The following BCL7A variants were observed in gnomAD, a reference collection of about 807,000 sequenced individuals.
BCL7A encodes the protein BAF chromatin remodeling complex subunit BCL7A.
BCL7A carries 11 observed loss-of-function variants against 28.4 expected under a neutral mutation model. The observed-to-expected ratio is 0.39, with a 90% CI of 0.24 to 0.64. BCL7A has a LOEUF of 0.64. BCL7A is among the 30% of genes least tolerant of loss of function. The pLI, the probability that BCL7A is intolerant of heterozygous loss-of-function variation, is 0.50. For synonymous variants in BCL7A, 123 were observed against 103.3 expected (o/e 1.19, Z -1.15); for missense variants, 222 against 274.8 (o/e 0.81, Z 1.36).
chr12:122,023,762 C>T (rs1416496915), intron 1 of BCL7A, among the ~76,000 whole-genome samples: 1 of 152,224 alleles, frequency 6.6e-6, no homozygotes, highest in Non-Finnish European at 1.5e-5. Context: ...GGCCAACACA[C>T]ACACGCTGGA....
rs1270360151 is a variant in BCL7A at position 122,029,100 on chromosome 12, TG to T, written c.93-1597del. Among the ~76,000 whole-genome samples, 2 of 152,192 alleles carry T rather than the reference TG, an allele frequency of 1.3e-5. No homozygotes were observed. The highest frequency in any genetic ancestry group is 2.9e-5 in the Non-Finnish European group (2 of 68,026). The stretch of plus-strand genomic sequence containing the variant: ...GGGTGAAGGGTTCGAGTGCTGGCTC[TG>T]GGAGAATGAGTTCACCTTCACCGCC... On this transcript the variant is annotated intron_variant, in intron 1 of 5. Transcript: ENST00000261822. The surrounding 1 kb of genome is among the most constrained non-coding windows in gnomAD (Gnocchi z 4.3).
At position 122,059,401 on chromosome 12, in the gene BCL7A, C is replaced by A; in HGVS notation, c.*238C>A. ...ACTGTCCTTGGGGAGGCAGGCGGGG[C>A]TGACAGCTCAGGAGTGTCTGCACAC... On this transcript the variant is annotated 3_prime_UTR_variant, in exon 6 of 6. Transcript: ENST00000261822. This position sits in a 1 kb window ranked among gnomAD's most constrained non-coding sequence, Gnocchi z 4.0. The A allele has an allele frequency of 2.2e-6, 1 of 464,324 alleles. No individual in the cohort carries two copies. The highest frequency in any genetic ancestry group is 3.9e-6 in the Non-Finnish European group (1 of 254,108). The allele number at this position is 464,324 out of a possible 1,614,324, so 28.8% of individuals were successfully genotyped here.
At chr12:122,055,143 C>T (rs182683146) in intron 5 of BCL7A, among the ~76,000 whole-genome samples, 4 of 152,360 alleles carry the variant, frequency 2.6e-5, no homozygotes, top group African/African-American at 9.6e-5. Context: ...GGCCTCTGCC[C>T]TCAAGGAGCC....
chr12:122,023,724 C>A (rs1593020091), intron 1 of BCL7A, among the ~76,000 whole-genome samples: 2 of 152,252 alleles, frequency 1.3e-5, no homozygotes, highest in South Asian at 2.1e-4. Flanking sequence ...CCGACTGGAG[C>A]CATTTAAAAA....
In BCL7A at chr12:122,059,343, T is replaced by C; in HGVS notation, c.*180T>C. 1.7e-6 allele frequency: 1 copy of C among 584,070 alleles called. No homozygotes were observed. The highest frequency in any genetic ancestry group is 2.2e-5 in the South Asian group (1 of 46,422). 36.2% of individuals were successfully genotyped at this position (584,070 alleles called of 1,614,324 possible). On this transcript the variant is annotated 3_prime_UTR_variant, in exon 6 of 6. Transcript: ENST00000261822. The surrounding 1 kb of genome is among the most constrained non-coding windows in gnomAD (Gnocchi z 4.0). ...TCACTTCTCAGACACTGAAGAACTC[T>C]GCTGTGAAGCAAAACACTCAAACCT...
intron 1 of BCL7A, among the ~76,000 whole-genome samples, chr12:122,024,035 G>A (rs570629042): frequency 2.6e-5 from 4 of 152,244 alleles, no homozygotes; most frequent in East Asian, 1.9e-4. Flanking sequence ...CAGCTGCTCT[G>A]CAGGGAGGGC....
intron 4 of BCL7A, among the ~76,000 whole-genome samples, chr12:122,053,782 T>C (rs1884248423): frequency 7.1e-6 from 1 of 140,864 alleles, no homozygotes; most frequent in Admixed American, 7.9e-5. Context: ...CCCGAATAAC[T>C]GGGTTCATTC....
chr12:122,022,097 G>A lies in BCL7A; in HGVS notation c.6G>A (p.Ser2=). Residue 2 remains serine, a synonymous_variant, in exon 1 of 6, where the codon TCG becomes TCA. Coordinates refer to ENST00000261822, the MANE Select transcript of BCL7A (RefSeq NM_001024808.3). ...TCCGTCTCCCCGCCGGAACCATGTC[G>A]GGCAGGTCGGTTCGAGCCGAGACGA... M[S]GRSVRAETRS... The A allele has an allele frequency of 6.4e-7, 1 of 1,569,592 alleles. No individual in the cohort carries two copies.
At chr12:122,033,638 A>AT (rs1883787738) in intron 2 of BCL7A, among the ~76,000 whole-genome samples, 1 of 151,336 alleles carries the variant, frequency 6.6e-6, no homozygotes, top group Non-Finnish European at 1.5e-5. Context: ...TATTTATTTA[A>AT]TAGAGACAGG....
chr12:122,028,960 C>T (rs1883685006), intron 1 of BCL7A, among the ~76,000 whole-genome samples: 3 of 152,116 alleles, frequency 2.0e-5, no homozygotes, highest in South Asian at 4.1e-4. Context: ...TCTGCTCTGC[C>T]CACAGGAGGC....
Position 122,054,331 on chromosome 12 carries a change from C to T in BCL7A, c.440-474C>T, listed in dbSNP as rs1244366718. ...CTCGATCTCCTGACCTCGTGATCCG[C>T]CAGCCTCGGCCTCCCAAAGTGCTGG... On this transcript the variant is annotated intron_variant, in intron 4 of 5. Coordinates refer to ENST00000261822, the MANE Select transcript of BCL7A (RefSeq NM_001024808.3). 4.6e-5 allele frequency among the ~76,000 whole-genome samples: 7 copies of T among 152,222 alleles called. No homozygotes were observed. The East Asian group carries it at 1.2e-3, about 25-fold the overall frequency.
chr12:122,040,336 G>T (rs1883940730), intron 3 of BCL7A, among the ~76,000 whole-genome samples: 1 of 151,930 alleles, frequency 6.6e-6, no homozygotes, highest in African/African-American at 2.4e-5. Flanking sequence ...TTGGAGAGCA[G>T]CCTGGCCAAA....
At chr12:122,046,906 T>TG (rs1189329000) in intron 4 of BCL7A, among the ~76,000 whole-genome samples, 19 of 146,810 alleles carry the variant, frequency 1.3e-4, no homozygotes, top group African/African-American at 4.7e-4. Context: ...TTTCTTGGGT[T>TG]TTTTTTTTTT....
In BCL7A at chr12:122,059,279, A is replaced by G. The variant is rs774375307; in HGVS notation, c.*116A>G. ...TGCGAACAGAACTACTAACGTTTCA[A>G]GTTTACCAAGTGCAAATCCAAGAAG... On this transcript the variant is annotated 3_prime_UTR_variant, in exon 6 of 6. Transcript: ENST00000261822. This position sits in a 1 kb window ranked among gnomAD's most constrained non-coding sequence, Gnocchi z 4.0. 120 of 938,956 alleles carry G rather than the reference A, an allele frequency of 1.3e-4. No homozygotes were observed. The highest frequency in any genetic ancestry group is 1.9e-4 in the Non-Finnish European group (114 of 614,524). The allele number at this position is 938,956 out of a possible 1,614,324, so 58.2% of individuals were successfully genotyped here.
At chr12:122,024,158 T>C (rs1315981032) in intron 1 of BCL7A, among the ~76,000 whole-genome samples, 5 of 152,326 alleles carry the variant, frequency 3.3e-5, no homozygotes, top group Admixed American at 2.6e-4. Context: ...TGAGGGGCTG[T>C]ACCTCTGCGC....
rs1442085808 is a variant in BCL7A, at chr12:122,059,262, G to A, written c.*99G>A. On this transcript the variant is annotated 3_prime_UTR_variant, in exon 6 of 6. Transcript: ENST00000261822. The surrounding 1 kb of genome is among the most constrained non-coding windows in gnomAD (Gnocchi z 4.0). Reference sequence around the variant, plus strand: ...CAGCGATTCCTCTTGGGTGCGAACAGAACTACTAACGTTTCAAGTTTACCA... The same window carrying A: ...CAGCGATTCCTCTTGGGTGCGAACAAAACTACTAACGTTTCAAGTTTACCA... The A allele has an allele frequency of 8.8e-7, 1 of 1,132,062 alleles. No individual in the cohort carries two copies. Among genetic ancestry groups the A allele is most frequent in the Non-Finnish European group, 1.3e-6 (1 of 767,930 alleles). 70.1% of individuals were successfully genotyped at this position (1,132,062 alleles called of 1,614,324 possible). A position where few individuals can be genotyped will look rare whatever the true frequency, so the allele number is the denominator to read the frequency against.
chr12:122,054,511 GC>G (rs1884266796), intron 4 of BCL7A, among the ~76,000 whole-genome samples: 1 of 152,260 alleles, frequency 6.6e-6, no homozygotes, highest in Non-Finnish European at 1.5e-5. Flanking sequence ...GGTGCTGGGT[GC>G]ACGCAGCACA....
chr12:122,043,576 G>A (rs982639639), intron 3 of BCL7A, among the ~76,000 whole-genome samples: 2 of 151,862 alleles, frequency 1.3e-5, no homozygotes, highest in Non-Finnish European at 1.5e-5. Context: ...AGTTCGAGAC[G>A]GGTCTGGCCA....
At chr12:122,037,287 C>T (rs1376711055) in intron 3 of BCL7A, among the ~76,000 whole-genome samples, 1 of 152,200 alleles carries the variant, frequency 6.6e-6, no homozygotes, top group Non-Finnish European at 1.5e-5. Context: ...CCAATTTCAA[C>T]GTCTTTGTAC....
Sources: allele counts gnomAD v4.1 joint callset (sites outside exome capture counted in the v4.1 genomes callset), GRCh38; gene constraint gnomAD v4.1.1; non-coding constraint Gnocchi (gnomAD v3.1); transcripts MANE v1.5; gene names NCBI Gene and HGNC (gene_info 2026-07-23, HGNC 2026-07-21).